The following ANGEL1 variants were observed in gnomAD, a reference collection of about 807,000 sequenced individuals.
ANGEL1 encodes the protein angel homolog 1.
A neutral mutation model predicts 76.4 loss-of-function variants in ANGEL1; 62 were observed. The observed-to-expected ratio is 0.81, with a 90% confidence interval of 0.66 to 1.00. ANGEL1 has a LOEUF of 1.00. Ranked by LOEUF, ANGEL1 falls within the 50% of genes least tolerant of loss-of-function variation. The probability of loss-of-function intolerance (pLI) is 0.00; values close to 1 mark genes in which losing one functional copy is unlikely to be tolerated. For missense variants in ANGEL1, 737 were observed against 836.7 expected (o/e 0.88, Z 1.47); for synonymous variants, 340 against 331.7 (o/e 1.03, Z -0.27).
intron 3 of ANGEL1, 91 bp downstream of exon 3, chr14:76,807,831 C>A: frequency 7.2e-7 from 1 of 1,395,412 alleles, no homozygotes; most frequent in Middle Eastern, 2.5e-4. Context: ...ATCATTTGAA[C>A]AACTATGGGT....
In ANGEL1 at chr14:76,806,463, A is replaced by G. The variant is rs763412666; in HGVS notation, c.1333T>C (p.Phe445Leu). Residue 445 changes from phenylalanine to leucine, a missense_variant, in exon 5 of 10, where the codon TTC becomes CTC. Physicochemically the swap from Phe to Leu is conservative, Grantham distance 22. Coordinates refer to ENST00000251089, the MANE Select transcript of ANGEL1 (RefSeq NM_015305.4). ...NSVPDSPLYN[F>L]IRDGELQYHG... ...TACTGGAGCTCTCCATCCCTGATGA[A>G]GTTGTAGAGAGGTGAATCAGGGACA... 22 of 1,613,880 alleles carry G rather than the reference A, an allele frequency of 1.4e-5. No homozygotes were observed. Among genetic ancestry groups the G allele is most frequent in the Non-Finnish European group, 1.8e-5 (21 of 1,180,016 alleles).
intron 1 of ANGEL1, chr14:76,810,055 G>A: frequency 2.6e-6 from 1 of 379,412 alleles, no homozygotes; most frequent in Admixed American, 3.1e-5. Context: ...AGAACTGTGG[G>A]TTATGATCTA....
chr14:76,807,213 C>T (rs376243668), intron 4 of ANGEL1, among the ~76,000 whole-genome samples: 2 of 152,340 alleles, frequency 1.3e-5, no homozygotes, highest in Admixed American at 6.5e-5. Flanking sequence ...ATGGGAATAA[C>T]AGTCTCACCA....
At chr14:76,810,844 A>C (rs1895062545) in intron 1 of ANGEL1, among the ~76,000 whole-genome samples, 1 of 152,204 alleles carries the variant, frequency 6.6e-6, no homozygotes, top group African/African-American at 2.4e-5. Context: ...TTTTGGTGAG[A>C]GCAAACAACT....
intron 9 of ANGEL1, 129 bp from the exon 10 acceptor site, chr14:76,789,517 T>A: frequency 2.0e-6 from 2 of 985,510 alleles, no homozygotes; most frequent in East Asian, 2.5e-5. Flanking sequence ...GCCCCTCACC[T>A]CCTCTTGCAG....
In ANGEL1 at chr14:76,788,750, G is replaced by C. The variant is rs571651007; in HGVS notation, c.*478C>G. 6.4e-6 allele frequency: 1 copy of C among 156,598 alleles called. No homozygotes were observed. The highest frequency in any genetic ancestry group is 2.4e-5 in the African/African-American group (1 of 41,604). The allele number at this position is 156,598 out of a possible 1,614,324, so 9.7% of individuals were successfully genotyped here. On this transcript the variant is annotated 3_prime_UTR_variant, in exon 10 of 10. Transcript: ENST00000251089. ...GGTCAGAGGCAGGCATGGCTGTGCA[G>C]AAGTCTCACCCCAAGAGGACACATA...
chr14:76,800,124 T>C (rs1288310167), intron 7 of ANGEL1, among the ~76,000 whole-genome samples: 3 of 152,196 alleles, frequency 2.0e-5, no homozygotes, highest in African/African-American at 7.2e-5. Flanking sequence ...TACAAAGTGA[T>C]TGTCAGTATA....
chr14:76,791,213 A>C, intron 8 of ANGEL1, 84 bp downstream of exon 8: 173 of 1,455,412 alleles, frequency 1.2e-4, no homozygotes, highest in Non-Finnish European at 1.5e-4. Context: ...CCCCCAAGTC[A>C]ACCTCAGGAC....
chr14:76,802,450 A>G (rs1269399077), intron 7 of ANGEL1, among the ~76,000 whole-genome samples: 1 of 152,114 alleles, frequency 6.6e-6, no homozygotes, highest in Non-Finnish European at 1.5e-5. Flanking sequence ...AAGTAACGGG[A>G]ATTTTCTTTT....
chr14:76,803,374 G>A lies in ANGEL1; in HGVS notation c.1615C>T (p.Pro539Ser), dbSNP rs756473674. The A allele has an allele frequency of 1.2e-6, 2 of 1,613,440 alleles. No individual in the cohort carries two copies. ...AACTGGGATTAGTTCCCATTACCTGGCTTAGTATCTGTCACTCCTTCCATA... is the reference window on the plus strand; with the variant it reads ...AACTGGGATTAGTTCCCATTACCTGACTTAGTATCTGTCACTCCTTCCATA... ...VLMEGVTDTK[P>S]ERPAGWAESV... is the part of the protein sequence containing the mutation. Residue 539 changes from proline (P) to serine (S), a missense_variant, in exon 7 of 10, where the codon CCA (proline) becomes TCA (serine). Physicochemically the swap from Pro to Ser is moderately conservative, Grantham distance 74. Coordinates refer to ENST00000251089, the MANE Select transcript of ANGEL1 (RefSeq NM_015305.4).
chr14:76,794,436 C>G (rs1388608836), intron 7 of ANGEL1, among the ~76,000 whole-genome samples: 1 of 152,074 alleles, frequency 6.6e-6, no homozygotes, highest in South Asian at 2.1e-4. Flanking sequence ...CTTTGGAAGG[C>G]TGGGGCGGAC....
chr14:76,793,927 G>C (rs1161228006), intron 7 of ANGEL1, among the ~76,000 whole-genome samples: 1 of 152,120 alleles, frequency 6.6e-6, no homozygotes, highest in African/African-American at 2.4e-5. Context: ...CTCCCTCAAA[G>C]TATCTTAAGG....
intron 7 of ANGEL1, among the ~76,000 whole-genome samples, chr14:76,801,218 C>T (rs1051233980): frequency 1.1e-4 from 16 of 151,882 alleles, no homozygotes; most frequent in Non-Finnish European, 1.8e-4. Context: ...TCAAGCAATC[C>T]TCTTGCCTCA....
At chr14:76,795,239 T>G (rs949342331) in intron 7 of ANGEL1, among the ~76,000 whole-genome samples, 2 of 152,226 alleles carry the variant, frequency 1.3e-5, no homozygotes, top group African/African-American at 4.8e-5. Flanking sequence ...CTTCAACATC[T>G]ATACAGAGGA....
chr14:76,806,383 T>C (rs1416580904), intron 5 of ANGEL1, 33 bp downstream of exon 5: 1 of 1,588,734 alleles, frequency 6.3e-7, no homozygotes, highest in East Asian at 2.2e-5. Context: ...TTAGACCATG[T>C]TCCCACCCAC....
Position 76,806,583 on chromosome 14 carries a change from C to A in ANGEL1, c.1213G>T (p.Ala405Ser). Residue 405 changes from alanine to serine, a missense_variant, in exon 5 of 10, where the codon GCC becomes TCC. This residue lies in a region of ANGEL1 where 296 missense variants were observed against 387.2 expected (regional missense o/e 0.76). Coordinates refer to ENST00000251089, the MANE Select transcript of ANGEL1 (RefSeq NM_015305.4). ...YNPRRGDVKL[A>S]QMAILLAEVD... ...TCCGCCAGGAGAATGGCCATCTGGG[C>A]CAGCTTGACATCGCCCCGGCGTGGG... 1 of 1,614,198 alleles carries A rather than the reference C, an allele frequency of 6.2e-7. No individual in the cohort carries two copies. The highest frequency in any genetic ancestry group is 8.5e-7 in the Non-Finnish European group (1 of 1,180,040).
intron 5 of ANGEL1, 181 bp from the exon 6 acceptor site, chr14:76,804,093 T>C (rs746008571): frequency 6.2e-6 from 9 of 1,460,894 alleles, no homozygotes; most frequent in Non-Finnish European, 8.1e-6. Context: ...AAACCATTAC[T>C]TTTTCACTGG....
Position 76,807,909 on chromosome 14 carries a change from C to G in ANGEL1, c.876+13G>C, listed in dbSNP as rs761778887. ...GCAACAATGCAAGATGGCAATTCCC[C>G]CTCTTCACTCACATCAGGGTCCCAG... is the stretch of plus-strand genomic sequence containing the variant. On this transcript the variant is annotated intron_variant, in intron 3 of 9. Transcript: ENST00000251089. 3 of 1,613,134 alleles carry G rather than the reference C, an allele frequency of 1.9e-6. No individual in the cohort carries two copies. In the South Asian group the frequency reaches 3.3e-5, roughly 18 times the overall value.
At chr14:76,811,510 T>C (rs1296744824) in intron 1 of ANGEL1, among the ~76,000 whole-genome samples, 9 of 37,834 alleles carry the variant, frequency 2.4e-4, no homozygotes, top group Admixed American at 2.3e-3. Flanking sequence ...ACTACTGTAA[T>C]GTGTAGGTGG....
Sources: allele counts gnomAD v4.1 joint callset (sites outside exome capture counted in the v4.1 genomes callset), GRCh38; gene constraint gnomAD v4.1.1; regional missense constraint gnomAD v4.1.1; transcripts MANE v1.5; gene names NCBI Gene and HGNC (gene_info 2026-07-23, HGNC 2026-07-21).